SYNE3: variants seen among roughly 807,000 people sequenced by gnomAD.
SYNE3 encodes the protein spectrin repeat containing nuclear envelope family member 3.
Under a neutral mutation model 111.2 loss-of-function variants are expected in SYNE3, and 100 were observed. The ratio of observed to expected loss-of-function variants is 0.90; its 90% CI spans 0.77 to 1.06. The LOEUF (loss-of-function observed/expected upper bound fraction) is 1.06, where lower values mean the gene tolerates loss of function less well. Ranked by LOEUF, SYNE3 falls within the 50% of genes least tolerant of loss-of-function variation. The probability of loss-of-function intolerance (pLI) is 0.00; values close to 1 mark genes in which losing one functional copy is unlikely to be tolerated. For missense variants in SYNE3, 1,160 were observed against 1,240.3 expected, an observed-to-expected ratio of 0.94 and a Z score of 0.97; for synonymous variants, 547 against 533.9, an observed-to-expected ratio of 1.02 and a Z score of -0.34.
At chr14:95,421,757 G>A (rs1330244071) in intron 17 of SYNE3, among the ~76,000 whole-genome samples, 1 of 152,206 alleles carries the variant, frequency 6.6e-6, no homozygotes, top group African/African-American at 2.4e-5. Flanking sequence ...AGTCCCATCA[G>A]GGAAGAAAGC....
intron 2 of SYNE3, 119 bp downstream of exon 2, chr14:95,475,559 G>T: frequency 8.4e-7 from 1 of 1,186,566 alleles, no homozygotes; most frequent in Non-Finnish European, 1.1e-6. Context: ...GCACATCAGA[G>T]TTTGAGAAAC....
chr14:95,409,353 A>G lies in SYNE3; in HGVS notation c.*8473T>C, dbSNP rs1431465646. ...GTATGTTTTCTTCCCTCCCTTTCTC[A>G]TCAGAACAGGAAGAGGGACTGTAGG... On this transcript the variant is annotated 3_prime_UTR_variant, in exon 18 of 18. Coordinates refer to ENST00000682763, the MANE Select transcript of SYNE3 (RefSeq NM_152592.6). 1 of 456,436 alleles carries G rather than the reference A, an allele frequency of 2.2e-6. No individual in the cohort carries two copies. Among genetic ancestry groups the G allele is most frequent in the African/African-American group, 2.0e-5 (1 of 49,994 alleles). The allele number at this position is 456,436 out of a possible 1,614,324, so 28.3% of individuals were successfully genotyped here.
intron 1 of SYNE3, among the ~76,000 whole-genome samples, chr14:95,484,747 C>T (rs147317399): frequency 1.4e-4 from 22 of 152,308 alleles, no homozygotes; most frequent in East Asian, 5.8e-4. Flanking sequence ...ATCACAGTGC[C>T]TCTCATGGAT....
At chr14:95,424,874 GA>G (rs1005402264) in intron 17 of SYNE3, among the ~76,000 whole-genome samples, 1 of 151,988 alleles carries the variant, frequency 6.6e-6, no homozygotes. Context: ...CCTGGACTGA[GA>G]AAAAAAATCT....
In SYNE3 at chr14:95,445,215, C is replaced by T. The variant is rs756939362; in HGVS notation, c.1633-587G>A. 2.4e-4 allele frequency among the ~76,000 whole-genome samples: 37 copies of T among 152,320 alleles called. 1 individual carries two copies. The highest frequency in any genetic ancestry group is 3.4e-3 in the Middle Eastern group (1 of 294). On this transcript the variant is annotated intron_variant, in intron 9 of 17. Transcript: ENST00000682763. ...GCCCTGTGGATGGAGGGAACATGCA[C>T]GGGAGCTGAAATCATGGGCTGGGTC...
intron 1 of SYNE3, among the ~76,000 whole-genome samples, chr14:95,508,622 G>A (rs139470255): frequency 1.8e-4 from 28 of 152,334 alleles, no homozygotes; most frequent in Non-Finnish European, 2.6e-4. Flanking sequence ...ATGCAGAGAC[G>A]GTGTGGCCGG....
intron 4 of SYNE3, among the ~76,000 whole-genome samples, chr14:95,459,088 GC>G (rs1474264721): frequency 3.9e-5 from 6 of 152,148 alleles, no homozygotes; most frequent in Non-Finnish European, 8.8e-5. Context: ...TTTTAGCTTG[GC>G]CTGCCATATG....
chr14:95,483,284 G>A (rs1889363028), intron 1 of SYNE3, among the ~76,000 whole-genome samples: 2 of 152,140 alleles, frequency 1.3e-5, no homozygotes, highest in Admixed American at 1.3e-4. Context: ...TTACAGCCTG[G>A]TGCCCCTGCT....
At chr14:95,502,059 C>T (rs1197608576) in intron 1 of SYNE3, among the ~76,000 whole-genome samples, 1 of 152,118 alleles carries the variant, frequency 6.6e-6, no homozygotes, top group East Asian at 1.9e-4. Context: ...ACTTGACCGC[C>T]CAGTGCCATG....
chr14:95,453,765 A>G (rs1405146727), intron 6 of SYNE3, among the ~76,000 whole-genome samples: 1 of 152,242 alleles, frequency 6.6e-6, no homozygotes, highest in African/African-American at 2.4e-5. Context: ...AGGCCTGTCC[A>G]GGCCACTGGA....
intron 2 of SYNE3, among the ~76,000 whole-genome samples, chr14:95,473,183 G>A (rs1298487038): frequency 2.0e-5 from 3 of 152,246 alleles, no homozygotes; most frequent in Non-Finnish European, 1.5e-5. Context: ...CTGGCAGAAC[G>A]CTCAGGCCAT....
rs1342754410 is a variant in SYNE3, at chr14:95,417,703, T to C, written c.*123A>G. On this transcript the variant is annotated 3_prime_UTR_variant, in exon 18 of 18. Coordinates refer to ENST00000682763, the MANE Select transcript of SYNE3 (RefSeq NM_152592.6). ...TCTGGGAACGCTGACACAGCACTGA[T>C]ATGGATGCAGCTCTGCAGTCTTTGC... 13 of 1,013,140 alleles carry C rather than the reference T, an allele frequency of 1.3e-5. No homozygotes were observed. In the Admixed American group the frequency reaches 1.9e-4, roughly 15 times the overall value. The allele number at this position is 1,013,140 out of a possible 1,614,324, so 62.8% of individuals were successfully genotyped here. A position where few individuals can be genotyped will look rare whatever the true frequency, so the allele number is the denominator to read the frequency against.
chr14:95,436,758 G>A, intron 15 of SYNE3, 62 bp downstream of exon 15: 2 of 1,572,930 alleles, frequency 1.3e-6, no homozygotes, highest in East Asian at 2.2e-5. Context: ...AGAACTCCCT[G>A]GTGGCAAATG....
At chr14:95,448,725 T>C (rs1460647189) in intron 8 of SYNE3, among the ~76,000 whole-genome samples, 1 of 152,134 alleles carries the variant, frequency 6.6e-6, no homozygotes, top group Non-Finnish European at 1.5e-5. Context: ...CAAATTATTG[T>C]CCCAATGTAA....
chr14:95,486,214 A>G (rs1184531873), intron 1 of SYNE3, among the ~76,000 whole-genome samples: 1 of 151,732 alleles, frequency 6.6e-6, no homozygotes, highest in Non-Finnish European at 1.5e-5. Flanking sequence ...GCCAGCCCCC[A>G]GGCCCCCATC....
intron 2 of SYNE3, among the ~76,000 whole-genome samples, chr14:95,474,415 T>G (rs1888753619): frequency 6.6e-6 from 1 of 152,206 alleles, no homozygotes; most frequent in South Asian, 2.1e-4. Context: ...AGGGTGGGCC[T>G]CACCCACCTG....
intron 1 of SYNE3, among the ~76,000 whole-genome samples, chr14:95,502,009 C>G (rs1890355413): frequency 6.6e-6 from 1 of 152,110 alleles, no homozygotes; most frequent in South Asian, 2.1e-4. Context: ...CACTAAGGCT[C>G]AGGGGAGAGA....
At chr14:95,501,725 G>C (rs936647460) in intron 1 of SYNE3, among the ~76,000 whole-genome samples, 2 of 139,642 alleles carry the variant, frequency 1.4e-5, no homozygotes, top group African/African-American at 3.4e-5. Flanking sequence ...GGAAGGGCAT[G>C]GGGGGAAGCA....
In SYNE3 at chr14:95,433,394, C is replaced by T. The variant is rs1885905184; in HGVS notation, c.2554G>A (p.Val852Met). 6.2e-7 allele frequency: 1 copy of T among 1,613,950 alleles called. No individual in the cohort carries two copies. The highest frequency in any genetic ancestry group is 1.7e-5 in the Admixed American group (1 of 60,004). ...KSKLQELEAR[V>M]PEGQHLFENL... ...TCAAAGAGATGCTGACCTTCTGGCA[C>T]CCGAGCCTCCAGCTCCTGGGGGAAA... Residue 852 changes from valine (V) to methionine (M), a missense_variant, in exon 16 of 18, where the codon GTG becomes ATG. Coordinates refer to ENST00000682763, the MANE Select transcript of SYNE3 (RefSeq NM_152592.6).
Sources: allele counts gnomAD v4.1 joint callset (sites outside exome capture counted in the v4.1 genomes callset), GRCh38; gene constraint gnomAD v4.1.1; transcripts MANE v1.5; gene names NCBI Gene and HGNC (gene_info 2026-07-23, HGNC 2026-07-21).